Variants in MYH15 observed in about 807,000 individuals in gnomAD.
MYH15 encodes myosin heavy chain 15, also known as myosin-15.
In MYH15, 227 loss-of-function variants were observed where a neutral mutation model predicts 240.5. The ratio of observed to expected loss-of-function variants is 0.94; its 90% CI spans 0.85 to 1.05. The LOEUF is 1.05. MYH15 is among the 50% of genes least tolerant of loss of function. The pLI is 0.00. For missense variants in MYH15, 2,217 were observed against 2,247.5 expected (o/e 0.99, Z 0.27); for synonymous variants, 785 against 796.7 (o/e 0.99, Z 0.25).
intron 23 of MYH15, among the ~76,000 whole-genome samples, chr3:108,440,696 C>CA (rs35672120): frequency 0.84 from 117,853 of 140,076 alleles, 49,393 homozygotes; most frequent in Non-Finnish European, 0.86. Flanking sequence ...CCTCTCCTTC[C>CA]AAAAAAAAAA....
chr3:108,388,278 T>C (rs2082398379), intron 38 of MYH15, among the ~76,000 whole-genome samples: 3 of 152,186 alleles, frequency 2.0e-5, no homozygotes, highest in Admixed American at 2.0e-4. Flanking sequence ...GCCTCTGCCA[T>C]CAGAGAATCT....
chr3:108,488,183 A>T (rs2083320197), intron 9 of MYH15, among the ~76,000 whole-genome samples: 1 of 152,150 alleles, frequency 6.6e-6, no homozygotes, highest in African/African-American at 2.4e-5. Context: ...GAACTTATTC[A>T]ACTTTTTTAG....
intron 7 of MYH15, among the ~76,000 whole-genome samples, chr3:108,494,948 C>A (rs966844977): frequency 1.3e-4 from 20 of 152,116 alleles, no homozygotes; most frequent in Non-Finnish European, 2.6e-4. Context: ...CATATTTCAG[C>A]AGAAAGTCCT....
intron 1 of MYH15, among the ~76,000 whole-genome samples, chr3:108,527,328 C>T (rs2083680370): frequency 6.6e-6 from 1 of 152,130 alleles, no homozygotes; most frequent in African/African-American, 2.4e-5. Flanking sequence ...CCTCAATTAA[C>T]CTTTCTCTGG....
intron 1 of MYH15, among the ~76,000 whole-genome samples, chr3:108,521,400 A>G (rs1213188041): frequency 1.3e-5 from 2 of 151,236 alleles, no homozygotes; most frequent in African/African-American, 4.8e-5. Context: ...ATGATGTTAA[A>G]AAAAAAAAAG....
chr3:108,515,897 G>A (rs569808406), intron 1 of MYH15, among the ~76,000 whole-genome samples: 1 of 152,270 alleles, frequency 6.6e-6, no homozygotes, highest in South Asian at 2.1e-4. Flanking sequence ...GTAGATGGAG[G>A]TGAGACAAGG....
In MYH15 at chr3:108,421,309, G is replaced by A. The variant is rs188667908; in HGVS notation, c.3703-95C>T. 49 of 1,380,424 alleles carry A rather than the reference G, an allele frequency of 3.5e-5. No individual in the cohort carries two copies. The East Asian group carries it at 5.9e-4, about 17-fold the overall frequency. 85.5% of individuals were successfully genotyped at this position (1,380,424 alleles called of 1,614,324 possible). A position where few individuals can be genotyped will look rare whatever the true frequency, so the allele number is the denominator to read the frequency against. ...AGGGGAGGAGTGGCTCCAGGGATCC[G>A]CATGCTCTCTTCTGTAGTAAAGAGC... On this transcript the variant is annotated intron_variant, in intron 27 of 40. Transcript: ENST00000693548.
chr3:108,481,156 A>G (rs1266309772), intron 11 of MYH15, among the ~76,000 whole-genome samples: 3 of 152,258 alleles, frequency 2.0e-5, no homozygotes, highest in African/African-American at 7.2e-5. Flanking sequence ...AGATGTTCAC[A>G]TATAATTTGG....
In MYH15 at chr3:108,419,850, C is replaced by G. The variant is rs1178930566; in HGVS notation, c.3829+1238G>C. ...ATTCTCTTTTTAAAACTGTGTGCCT[C>G]TTAAGCATCAAGAATACATTGTTTA... On this transcript the variant is annotated intron_variant, in intron 28 of 40. Coordinates refer to ENST00000693548, the MANE Select transcript of MYH15 (RefSeq NM_014981.3). Among the ~76,000 whole-genome samples the G allele has an allele frequency of 3.9e-5, 6 of 152,130 alleles. No homozygotes were observed. The East Asian group carries it at 1.2e-3, about 29-fold the overall frequency.
chr3:108,518,701 G>A (rs987025691), intron 1 of MYH15, among the ~76,000 whole-genome samples: 9 of 152,160 alleles, frequency 5.9e-5, no homozygotes, highest in Non-Finnish European at 1.0e-4. Flanking sequence ...CACACGTCAT[G>A]TGACCCCTGC....
chr3:108,539,603 A>C, the MYH15 span, among the ~76,000 whole-genome samples: 1 of 152,208 alleles, frequency 6.6e-6, no homozygotes, highest in Non-Finnish European at 1.5e-5. Context: ...CAATTACATA[A>C]AATAGGAAAA....
intron 27 of MYH15, among the ~76,000 whole-genome samples, chr3:108,423,030 C>G (rs2082695675): frequency 6.6e-6 from 1 of 152,052 alleles, no homozygotes; most frequent in African/African-American, 2.4e-5. Flanking sequence ...GGCTCACAGA[C>G]AATTTGAATG....
the MYH15 span, among the ~76,000 whole-genome samples, chr3:108,535,837 T>C: frequency 2.0e-5 from 3 of 152,120 alleles, no homozygotes; most frequent in Admixed American, 6.5e-5. Context: ...CACACACACA[T>C]CCAACTCTGG....
intron 12 of MYH15, among the ~76,000 whole-genome samples, 153 bp from the exon 13 acceptor site, chr3:108,471,000 AAGAAAAGAAAGAGAGAGAGAG>A: frequency 7.1e-6 from 1 of 141,342 alleles, no homozygotes; most frequent in Non-Finnish European, 1.5e-5. Context: ...TGAGAAAAGG[AAGAAAAGAAAGAGAGAGAGAG>A]AGAAAAAGAA....
upstream of MYH15, among the ~76,000 whole-genome samples, chr3:108,530,880 G>A (rs1261496749): frequency 2.0e-5 from 3 of 152,202 alleles, no homozygotes; most frequent in Non-Finnish European, 2.9e-5. Context: ...TATTATAACT[G>A]TATTTAATAT....
chr3:108,525,469 A>G (rs2083659634), intron 1 of MYH15, among the ~76,000 whole-genome samples: 1 of 152,088 alleles, frequency 6.6e-6, no homozygotes. Flanking sequence ...AGCACATTGC[A>G]TTGCTCAGTT....
chr3:108,433,834 T>C (rs1337002217), intron 25 of MYH15, among the ~76,000 whole-genome samples: 1 of 152,176 alleles, frequency 6.6e-6, no homozygotes, highest in African/African-American at 2.4e-5. Context: ...CAATCTTGGG[T>C]ATGTCTTTAT....
At chr3:108,444,606 C>G (rs1317634639) in intron 22 of MYH15, 34 bp downstream of exon 22, 3 of 1,604,964 alleles carry the variant, frequency 1.9e-6, no homozygotes, top group Non-Finnish European at 1.7e-6. Context: ...TAATTAAAAA[C>G]TTGATTTAAA....
intron 10 of MYH15, 57 bp downstream of exon 10, chr3:108,486,362 TTCTG>T (rs2083305969): frequency 2.9e-6 from 4 of 1,388,678 alleles, no homozygotes; most frequent in Non-Finnish European, 4.1e-6. Context: ...AACTCTAAGA[TTCTG>T]TCTTTCATTT....
Sources: allele counts gnomAD v4.1 joint callset (sites outside exome capture counted in the v4.1 genomes callset), GRCh38; gene constraint gnomAD v4.1.1; transcripts MANE v1.5; gene names NCBI Gene and HGNC (gene_info 2026-07-23, HGNC 2026-07-21).